The following NPAT variants were observed in gnomAD, a reference collection of about 807,000 sequenced individuals.
NPAT encodes protein NPAT.
Under a neutral mutation model 130.7 loss-of-function variants are expected in NPAT, and 52 were observed. The observed-to-expected ratio is 0.40, with a 90% confidence interval of 0.32 to 0.50. The LOEUF (loss-of-function observed/expected upper bound fraction) is 0.50. Among genes scored for constraint, NPAT ranks in the 20% least tolerant of loss-of-function variants. The probability of loss-of-function intolerance (pLI) is 0.68; values close to 1 mark genes in which losing one functional copy is unlikely to be tolerated. For missense variants in NPAT, 1,687 were observed against 1,662.6 expected (o/e 1.01, Z -0.26); for synonymous variants, 580 against 584.8 (o/e 0.99, Z 0.12).
chr11:108,162,051 T>A (rs1287818208), intron 16 of NPAT, 37 bp from the exon 17 acceptor site: 1 of 1,611,810 alleles, frequency 6.2e-7, no homozygotes. Context: ...TCTAGCAGCA[T>A]AAAGAAATCC....
intron 5 of NPAT, 52 bp from the exon 6 acceptor site, chr11:108,189,382 A>C (rs1313185863): frequency 6.5e-7 from 1 of 1,532,500 alleles, no homozygotes; most frequent in Non-Finnish European, 9.0e-7. Flanking sequence ...GTAGTTTGGG[A>C]ATTGTAAGAA....
rs2077967187 is a variant in NPAT at position 108,172,897 on chromosome 11, T to C, written c.2087A>G (p.Glu696Gly). ...TTCTGGAGGAAGAGAGTGACTGTTT[T>C]CTACAGGAGTGCCTTCTGGAGGCGT... is the stretch of plus-strand genomic sequence containing the variant. ...ALTPPEGTPVENSHSLPPESV... is the reference protein window; with the variant it reads ...ALTPPEGTPVGNSHSLPPESV... Residue 696 changes from glutamate to glycine, a missense_variant, in exon 13 of 18, where the codon GAA becomes GGA. Physicochemically the swap from Glu to Gly is moderately conservative, Grantham distance 98. This residue lies in a region of NPAT where 1,379 missense variants were observed against 1,346.6 expected (regional missense o/e 1.02). Coordinates refer to ENST00000278612, the MANE Select transcript of NPAT (RefSeq NM_002519.3). 2 of 1,614,026 alleles carry C rather than the reference T, an allele frequency of 1.2e-6. No individual in the cohort carries two copies. Among genetic ancestry groups the C allele is most frequent in the Admixed American group, 3.3e-5 (2 of 60,002 alleles).
intron 15 of NPAT, 75 bp downstream of exon 15, chr11:108,169,669 A>C: frequency 1.8e-6 from 2 of 1,081,138 alleles, no homozygotes; most frequent in Non-Finnish European, 2.9e-6. Flanking sequence ...ATTCAGAAAG[A>C]AAACATTTAG....
At position 108,186,560 on chromosome 11, in the gene NPAT, C is replaced by T. The variant is rs2078110118; in HGVS notation, c.648G>A (p.Gln216=). ...GGCCAGACAAAGTGGTACTTTTTCT[C>T]TGAGATTCACTGAAACACATTTTAA... ...MSPGRRKSES[Q]RKSTTLSGPH... is the part of the protein sequence containing the mutation. The change falls in exon 8 of 18, where the codon CAG becomes CAA. Residue 216 remains glutamine, a synonymous_variant. Coordinates refer to ENST00000278612, the MANE Select transcript of NPAT (RefSeq NM_002519.3). 6.2e-7 allele frequency: 1 copy of T among 1,613,184 alleles called. No homozygotes were observed. The highest frequency in any genetic ancestry group is 2.2e-5 in the East Asian group (1 of 44,846).
chr11:108,217,957 C>T (rs1465538217), intron 1 of NPAT, among the ~76,000 whole-genome samples: 1 of 152,168 alleles, frequency 6.6e-6, no homozygotes, highest in African/African-American at 2.4e-5. Context: ...CTCACTGCTG[C>T]ACCCAGCCTG....
rs767348134 is a variant in NPAT at position 108,172,574 on chromosome 11, C to G, written c.2410G>C (p.Val804Leu). The G allele has an allele frequency of 1.9e-6, 3 of 1,614,188 alleles. No individual in the cohort carries two copies. In the Admixed American group the frequency reaches 5.0e-5, roughly 27 times the overall value. Reference protein sequence around the residue: ...ETVGAVVYAEVGDSASMEQSL... With the variant: ...ETVGAVVYAELGDSASMEQSL... ...TGTTCCATTGAGGCTGAATCCCCTA[C>G]TTCGGCATATACAACAGCACCTACA... Residue 804 changes from valine to leucine, a missense_variant, in exon 13 of 18, where the codon GTA becomes CTA. Around this residue, in one of 3 missense-constraint regions of NPAT, gnomAD observed 1,379 missense variants for 1,346.6 expected, o/e 1.02. Transcript: ENST00000278612.
chr11:108,172,102 A>T, intron 13 of NPAT, 97 bp downstream of exon 13: 1 of 990,570 alleles, frequency 1.0e-6, no homozygotes, highest in Non-Finnish European at 1.6e-6. Context: ...CATACCATCT[A>T]CTCATTAGTT....
At chr11:108,189,045 A>C (rs2078136571) in intron 6 of NPAT, 61 bp downstream of exon 6, 1 of 1,305,094 alleles carries the variant, frequency 7.7e-7, no homozygotes, top group African/African-American at 1.5e-5. Flanking sequence ...ACATTAGTAT[A>C]TTATCTCATT....
intron 1 of NPAT, among the ~76,000 whole-genome samples, chr11:108,220,951 T>A (rs891221959): frequency 6.6e-6 from 1 of 152,234 alleles, no homozygotes; most frequent in African/African-American, 2.4e-5. Flanking sequence ...GGAATGTGAA[T>A]GACAAAGATT....
intron 1 of NPAT, among the ~76,000 whole-genome samples, chr11:108,202,229 T>C (rs763102025): frequency 2.0e-5 from 3 of 152,106 alleles, no homozygotes; most frequent in African/African-American, 2.4e-5. Context: ...AATTAAGATA[T>C]CATTATCCTC....
chr11:108,200,473 CT>C lies in NPAT; in HGVS notation c.38-3054del, dbSNP rs200971224. On this transcript the variant is annotated intron_variant, in intron 1 of 17. Coordinates refer to ENST00000278612, the MANE Select transcript of NPAT (RefSeq NM_002519.3). ...CATCCTTATGGCTCCAGGACAGACT[CT>C]TTGTCTCACCCTAGTGCAGACCAAT... Among the ~76,000 whole-genome samples, 677 of 152,316 alleles carry C rather than the reference CT, an allele frequency of 4.4e-3. 3 individuals carry two copies. The highest frequency in any genetic ancestry group is 0.01 in the Middle Eastern group (3 of 294).
chr11:108,166,284 A>G (rs899578170), intron 15 of NPAT, among the ~76,000 whole-genome samples: 5 of 152,066 alleles, frequency 3.3e-5, no homozygotes, highest in Non-Finnish European at 7.4e-5. Context: ...CCCAGCTACA[A>G]GGGAGGCTGA....
Position 108,172,248 on chromosome 11 carries a change from T to G in NPAT, c.2736A>C (p.Ser912=). The G allele has an allele frequency of 1.2e-6, 2 of 1,613,978 alleles. No individual in the cohort carries two copies. Among genetic ancestry groups the G allele is most frequent in the Non-Finnish European group, 1.7e-6 (2 of 1,179,818 alleles). Residue 912 remains serine (S), a synonymous_variant, in exon 13 of 18, where the codon TCA becomes TCC. Transcript: ENST00000278612. ...LPPQLQTPPR[S]NSVFAVNQAV... The stretch of plus-strand genomic sequence containing the variant: ...CTTGGTTGACAGCAAATACACTGTT[T>G]GACCTTGGTGGTGTCTGTAACTGAG...
chr11:108,199,507 G>A (rs140686022), intron 1 of NPAT, among the ~76,000 whole-genome samples: 2 of 152,282 alleles, frequency 1.3e-5, no homozygotes, highest in Non-Finnish European at 2.9e-5. Context: ...TGGGATCTGT[G>A]CAAGGGTAAG....
chr11:108,198,271 C>T (rs1427073958), intron 1 of NPAT, among the ~76,000 whole-genome samples: 3 of 152,014 alleles, frequency 2.0e-5, no homozygotes, highest in East Asian at 1.9e-4. Flanking sequence ...CTATTTTCCA[C>T]AAAATATTAT....
In NPAT at chr11:108,192,210, G is replaced by C. The variant is rs1358839045; in HGVS notation, c.218-20C>G. The stretch of plus-strand genomic sequence containing the variant: ...ATGTTTCTAAATCATAGGAGAAAAG[G>C]TTCTTAATAAACCCAGCTGAAGAAA... On this transcript the variant is annotated intron_variant, in intron 3 of 17. Coordinates refer to ENST00000278612, the MANE Select transcript of NPAT (RefSeq NM_002519.3). The C allele has an allele frequency of 6.6e-6, 10 of 1,512,050 alleles. No individual in the cohort carries two copies. The highest frequency in any genetic ancestry group is 9.2e-6 in the Non-Finnish European group (10 of 1,087,334). The allele number at this position is 1,512,050 out of a possible 1,614,324, so 93.7% of individuals were successfully genotyped here.
intron 1 of NPAT, 74 bp downstream of exon 1, chr11:108,222,426 A>G (rs2078532584): frequency 3.3e-6 from 5 of 1,512,720 alleles, no homozygotes; most frequent in Non-Finnish European, 4.6e-6. Flanking sequence ...ACCAAGGGAA[A>G]ACCTTTGGCC....
In NPAT at chr11:108,157,480, C is replaced by T. The variant is rs1287112486; in HGVS notation, c.*1462G>A. 1 of 151,978 alleles carries T rather than the reference C, an allele frequency of 6.6e-6. No individual in the cohort carries two copies. The highest frequency in any genetic ancestry group is 1.5e-5 in the Non-Finnish European group (1 of 67,934). 9.4% of individuals were successfully genotyped at this position (151,978 alleles called of 1,614,324 possible). On this transcript the variant is annotated 3_prime_UTR_variant, in exon 18 of 18. Transcript: ENST00000278612. ...AACATTAACTATATGATATTTAGTT[C>T]CTTAGGAATAGACCACTGCCACACC... is the stretch of plus-strand genomic sequence containing the variant.
intron 15 of NPAT, among the ~76,000 whole-genome samples, chr11:108,167,950 TAA>T (rs2134828508): frequency 6.6e-6 from 1 of 152,310 alleles, no homozygotes; most frequent in Non-Finnish European, 1.5e-5. Context: ...TTTATAGTTA[TAA>T]GAGAAGATTC....
Sources: allele counts gnomAD v4.1 joint callset (sites outside exome capture counted in the v4.1 genomes callset), GRCh38; gene constraint gnomAD v4.1.1; regional missense constraint gnomAD v4.1.1; transcripts MANE v1.5; gene names NCBI Gene and HGNC (gene_info 2026-07-23, HGNC 2026-07-21).